Variants in GAB3 observed in about 807,000 individuals in gnomAD.
GAB3 encodes the protein GRB2 associated binding protein 3, also known as GRB2-associated-binding protein 3.
GAB3 carries 12 observed loss-of-function variants against 40.4 expected under a neutral mutation model. The ratio of observed to expected loss-of-function variants is 0.30; its 90% CI spans 0.19 to 0.48. The LOEUF is 0.48. Ranked by LOEUF, GAB3 falls within the 20% of genes least tolerant of loss-of-function variation. The pLI, the probability that GAB3 is intolerant of heterozygous loss-of-function variation, is 0.99. For missense variants in GAB3, 381 were observed against 461.9 expected, an observed-to-expected ratio of 0.82 and a Z score of 1.61; for synonymous variants, 154 against 176.7, an observed-to-expected ratio of 0.87 and a Z score of 1.02.
At chrX:154,736,099 T>A (rs1175890460) in intron 1 of GAB3, among the ~76,000 whole-genome samples, 1 of 112,800 alleles carries the variant, frequency 8.9e-6, no homozygotes, top group Non-Finnish European at 1.9e-5. Flanking sequence ...GAGGAGCACA[T>A]CCTCCAATAT....
chrX:154,723,894 T>C (rs2148470471), intron 1 of GAB3, among the ~76,000 whole-genome samples: 1 of 111,910 alleles, frequency 8.9e-6, no homozygotes, highest in African/African-American at 3.2e-5. Flanking sequence ...CTGTGTGACT[T>C]TGAGCACACA....
chrX:154,696,298 CAAA>C (rs35105330), intron 7 of GAB3, among the ~76,000 whole-genome samples: 4 of 40,135 alleles, frequency 1.0e-4, no homozygotes, highest in Admixed American at 6.9e-4. Context: ...TATCATTTAG[CAAA>C]AAAAAAAAAA....
chrX:154,682,946 C>A (rs1470412311), intron 8 of GAB3, among the ~76,000 whole-genome samples: 1 of 111,245 alleles, frequency 9.0e-6, no homozygotes, highest in East Asian at 2.8e-4. Context: ...CCACTGCACT[C>A]CAGCCTGGGT....
intron 4 of GAB3, among the ~76,000 whole-genome samples, chrX:154,711,015 A>C (rs2070935496): frequency 8.9e-6 from 1 of 112,355 alleles, no homozygotes; most frequent in Non-Finnish European, 1.9e-5. Context: ...ATCAGTATAC[A>C]TCTATTTCAT....
At chrX:154,731,287 T>C (rs1024808723) in intron 1 of GAB3, among the ~76,000 whole-genome samples, 1 of 111,870 alleles carries the variant, frequency 8.9e-6, no homozygotes, top group African/African-American at 3.3e-5. Context: ...TTTTAAACTC[T>C]GGTAAGTTCT....
chrX:154,709,514 T>TTTG (rs1557254988), intron 4 of GAB3, among the ~76,000 whole-genome samples: 1 of 109,202 alleles, frequency 9.2e-6, no homozygotes, highest in Non-Finnish European at 1.9e-5. Flanking sequence ...GAGACAGGGT[T>TTTG]CCACCATATT....
chrX:154,678,535 C>T (rs782470372), intron 9 of GAB3, among the ~76,000 whole-genome samples: 9 of 111,758 alleles, frequency 8.1e-5, no homozygotes, highest in Non-Finnish European at 1.3e-4. Flanking sequence ...CCTGGCATGG[C>T]GGCACGTGCC....
At chrX:154,750,908 T>TGCCCCGGGACGCGAAGGCCGGGC (rs2071604781) in intron 1 of GAB3, 46 bp downstream of exon 1, 1 of 752,267 alleles carries the variant, frequency 1.3e-6, no homozygotes, top group Non-Finnish European at 1.6e-6. Flanking sequence ...CGCGGGCGGG[T>TGCCCCGGGACGCGAAGGCCGGGC]GCCCCGGGAC....
rs2070319046 is a variant in GAB3 at position 154,678,009 on chromosome X, T to G, written c.*169A>C. ...TCTTCCTTCAATGTATAAACAGGTCTTCTTTCCTAAAGGTTCTGGCCAAGA... is the reference window on the plus strand; with the variant it reads ...TCTTCCTTCAATGTATAAACAGGTCGTCTTTCCTAAAGGTTCTGGCCAAGA... On this transcript the variant is annotated 3_prime_UTR_variant, in exon 10 of 10. Coordinates refer to ENST00000424127, the MANE Select transcript of GAB3 (RefSeq NM_001081573.3). The G allele has an allele frequency of 5.2e-6, 2 of 381,669 alleles. No homozygotes were observed. The highest frequency in any genetic ancestry group is 9.2e-6 in the Non-Finnish European group (2 of 218,245). 31.5% of individuals were successfully genotyped at this position (381,669 alleles called of 1,213,427 possible). A position where few individuals can be genotyped will look rare whatever the true frequency, so the allele number is the denominator to read the frequency against.
At chrX:154,732,049 G>A (rs922822638) in intron 1 of GAB3, among the ~76,000 whole-genome samples, 6 of 111,663 alleles carry the variant, frequency 5.4e-5, no homozygotes, top group East Asian at 2.8e-4. Context: ...GTGTGATGTC[G>A]AGAAGCTGTC....
At chrX:154,693,734 T>A (rs1402495943) in intron 8 of GAB3, among the ~76,000 whole-genome samples, 1 of 111,682 alleles carries the variant, frequency 9.0e-6, no homozygotes, top group African/African-American at 3.3e-5. Context: ...CACTGTATGA[T>A]GTAAAAATGA....
At chrX:154,741,728 G>T (rs1384104351) in intron 1 of GAB3, among the ~76,000 whole-genome samples, 1 of 108,228 alleles carries the variant, frequency 9.2e-6, no homozygotes, top group Non-Finnish European at 1.9e-5. Context: ...TTGACTCACA[G>T]TTCCACATTG....
rs147290916 is a variant in GAB3 at position 154,716,149 on chromosome X, C to A, written c.253G>T (p.Val85Leu). The A allele has an allele frequency of 1.7e-6, 2 of 1,211,067 alleles. No individual in the cohort carries two copies. The highest frequency in any genetic ancestry group is 1.7e-5 in the African/African-American group (1 of 57,510). ...FVRKEFQNNF[V>L]FIVKTTSRTF... ...CGGGAAGTAGTCTTGACAATGAACA[C>A]GAAATTATTCTGAAATTCCTTCCGA... The change falls in exon 2 of 10, where the codon GTG (valine) becomes TTG (leucine). Residue 85 changes from valine (V) to leucine (L), a missense_variant. Val to Leu is a conservative substitution (Grantham distance 32). Around this residue, in one of 2 missense-constraint regions of GAB3, gnomAD observed 364 missense variants for 421.0 expected, o/e 0.86. Coordinates refer to ENST00000424127, the MANE Select transcript of GAB3 (RefSeq NM_001081573.3).
intron 8 of GAB3, among the ~76,000 whole-genome samples, chrX:154,683,239 T>C (rs2070399383): frequency 1.8e-5 from 2 of 111,844 alleles, no homozygotes; most frequent in African/African-American, 6.5e-5. Flanking sequence ...CCCCCAATAT[T>C]AGGAACTACG....
chrX:154,694,383 C>G (rs1180168322), intron 8 of GAB3, among the ~76,000 whole-genome samples: 1 of 107,900 alleles, frequency 9.3e-6, no homozygotes. Context: ...AAACACTGAT[C>G]TTTCTCTGTT....
At chrX:154,694,951 C>T (rs1401655614) in intron 8 of GAB3, among the ~76,000 whole-genome samples, 2 of 112,102 alleles carry the variant, frequency 1.8e-5, no homozygotes, top group Non-Finnish European at 3.8e-5. Context: ...CGGTTAAGTG[C>T]ACTTACAGCA....
chrX:154,687,494 T>C (rs1447564667), intron 8 of GAB3, among the ~76,000 whole-genome samples: 5 of 107,990 alleles, frequency 4.6e-5, no homozygotes, highest in Non-Finnish European at 9.6e-5. Context: ...TTTAGCCAGG[T>C]GTGGTGGCGG....
intron 1 of GAB3, among the ~76,000 whole-genome samples, chrX:154,748,370 G>A (rs1394437792): frequency 1.8e-5 from 2 of 111,638 alleles, no homozygotes; most frequent in African/African-American, 6.5e-5. Context: ...TTATCCCTGG[G>A]TTGGGGAGTG....
At chrX:154,739,874 A>G (rs782428715) in intron 1 of GAB3, among the ~76,000 whole-genome samples, 1 of 112,522 alleles carries the variant, frequency 8.9e-6, no homozygotes, top group East Asian at 2.8e-4. Flanking sequence ...GATTTAGGTT[A>G]CATTTAAGAT....
Sources: allele counts gnomAD v4.1 joint callset (sites outside exome capture counted in the v4.1 genomes callset), GRCh38; gene constraint gnomAD v4.1.1; regional missense constraint gnomAD v4.1.1; transcripts MANE v1.5; gene names NCBI Gene and HGNC (gene_info 2026-07-23, HGNC 2026-07-21).